NEB: variants seen among roughly 807,000 people sequenced by gnomAD.
NEB encodes nebulin.
Under a neutral mutation model 952.2 loss-of-function variants are expected in NEB, and 512 were observed. That is an observed-to-expected ratio of 0.54 (90% CI 0.50 to 0.58). The LOEUF (loss-of-function observed/expected upper bound fraction) is 0.58, where lower values mean the gene tolerates loss of function less well. Among genes scored for constraint, NEB ranks in the 20% least tolerant of loss-of-function variants. The pLI is 0.00. For synonymous variants in NEB, 2,900 were observed against 3,149.8 expected (o/e 0.92, Z 2.66); for missense variants, 8,428 against 9,231.1 (o/e 0.91, Z 3.56).
Position 151,693,313 on chromosome 2 carries a change from T to C in NEB, c.1897-951A>G, listed in dbSNP as rs80202061. Among the ~76,000 whole-genome samples the C allele has an allele frequency of 3.8e-3, 581 of 152,302 alleles. 10 individuals are homozygous for C. The East Asian group carries it at 0.057, about 15-fold the overall frequency. ...GTGTACATGTGCAGGATTGTGGGTTTGTTACATAGGGAAGCGTGTGCCATG... is the reference window on the plus strand; with the variant it reads ...GTGTACATGTGCAGGATTGTGGGTTCGTTACATAGGGAAGCGTGTGCCATG... On this transcript the variant is annotated intron_variant, in intron 20 of 181. Transcript: ENST00000397345.
chr2:151,534,126 A>G, intron 142 of NEB: 2 of 959,492 alleles, frequency 2.1e-6, no homozygotes, highest in East Asian at 4.8e-5. Context: ...GGCAGAACCT[A>G]TGACATCCTT....
rs763163879 is a variant in NEB at position 151,609,804 on chromosome 2, C to T, written c.12330+5G>A. ...TCCCCCTTTCCCAAAATTCATGTTA[C>T]GTACATCACTCTGCAGGTCATAGGC... On this transcript the variant is annotated splice_donor_5th_base_variant and intron_variant, in intron 81 of 181. Coordinates refer to ENST00000397345, the MANE Select transcript of NEB (RefSeq NM_001164508.2). The T allele has an allele frequency of 7.1e-6, 11 of 1,558,886 alleles. No homozygotes were observed. Among genetic ancestry groups the T allele is most frequent in the Non-Finnish European group, 9.5e-6 (11 of 1,154,030 alleles).
rs1367595025 is a variant in NEB, at chr2:151,729,041, TA to T, written c.78+573del. On this transcript the variant is annotated intron_variant, in intron 4 of 181. Transcript: ENST00000397345. ...AAGAGAAACAGCTGCATGCAGAAAA[TA>T]AAGCATGAGAGAGGTATTTCACCTT... 8.0e-5 allele frequency among the ~76,000 whole-genome samples: 12 copies of T among 149,192 alleles called. No homozygotes were observed. In the East Asian group the frequency reaches 1.8e-3, roughly 22 times the overall value.
At position 151,636,082 on chromosome 2, in the gene NEB, CT is replaced by C; in HGVS notation, c.9102+144del. 4 of 707,832 alleles carry C rather than the reference CT, an allele frequency of 5.7e-6. No individual in the cohort carries two copies. The East Asian group carries it at 1.2e-4, about 21-fold the overall frequency. The allele number at this position is 707,832 out of a possible 1,614,324, so 43.8% of individuals were successfully genotyped here. On this transcript the variant is annotated intron_variant, in intron 64 of 181. Coordinates refer to ENST00000397345, the MANE Select transcript of NEB (RefSeq NM_001164508.2). ...TATAAACATCAAGATTTTCATTTCCCTTAAAACTGAGGTTTTGAAAAATCCT... is the reference window on the plus strand; with the variant it reads ...TATAAACATCAAGATTTTCATTTCCCTAAAACTGAGGTTTTGAAAAATCCT...
chr2:151,569,086 A>G (rs2096538374), intron 110 of NEB, among the ~76,000 whole-genome samples, 182 bp downstream of exon 110: 2 of 152,232 alleles, frequency 1.3e-5, no homozygotes, highest in Non-Finnish European at 1.5e-5. Context: ...TGGATATTAT[A>G]TTATGGATGT....
chr2:151,694,418 A>G lies in NEB; in HGVS notation c.1801T>C (p.Tyr601His). 6.2e-7 allele frequency: 1 copy of G among 1,613,748 alleles called. No homozygotes were observed. The highest frequency in any genetic ancestry group is 1.3e-5 in the African/African-American group (1 of 74,980). Residue 601 changes from tyrosine (Y) to histidine (H), a missense_variant, in exon 20 of 182, where the codon TAT (tyrosine) becomes CAT (histidine). Tyr to His is a moderately conservative substitution (Grantham distance 83). Around this residue, in one of 11 missense-constraint regions of NEB, gnomAD observed 2,851 missense variants for 2,791.5 expected, o/e 1.02. Transcript: ENST00000397345. The part of the protein sequence containing the change: ...NTSDVMYKKD[Y>H]EKNKGKMIGV... The stretch of plus-strand genomic sequence containing the variant: ...ATCATTTTCCCTTTGTTTTTTTCAT[A>G]GTCTTTCTTGTACATCACCTGCAAA...
intron 65 of NEB, among the ~76,000 whole-genome samples, chr2:151,632,698 A>G (rs997893936): frequency 2.6e-5 from 4 of 151,118 alleles, no homozygotes; most frequent in Non-Finnish European, 4.4e-5. Flanking sequence ...AAAAAAAAAG[A>G]ATGAAAACAA....
Position 151,514,963 on chromosome 2 carries a change from A to G in NEB, c.22906-35T>C, listed in dbSNP as rs1390338549. 3 of 1,382,292 alleles carry G rather than the reference A, an allele frequency of 2.2e-6. No individual in the cohort carries two copies. The Admixed American group carries it at 6.1e-5, about 28-fold the overall frequency. The allele number at this position is 1,382,292 out of a possible 1,614,324, so 85.6% of individuals were successfully genotyped here. ...GTAGGAAGGAAAGACAAGTTAAAAA[A>G]AAATCTTTATTACAATATATCTCTC... is the stretch of plus-strand genomic sequence containing the variant. On this transcript the variant is annotated intron_variant, in intron 157 of 181. Transcript: ENST00000397345.
At chr2:151,529,767 G>A (rs192159441) in intron 145 of NEB, among the ~76,000 whole-genome samples, 26 of 152,252 alleles carry the variant, frequency 1.7e-4, no homozygotes, top group Middle Eastern at 3.4e-3. Flanking sequence ...GACCTCAGGT[G>A]ATCCCGCCCA....
chr2:151,682,906 T>C, intron 28 of NEB, 137 bp from the exon 29 acceptor site: 1 of 712,238 alleles, frequency 1.4e-6, no homozygotes, highest in Non-Finnish European at 2.3e-6. Context: ...TTATTTTATA[T>C]ATTTCTTTGG....
rs371554739 is a variant in NEB at position 151,627,621 on chromosome 2, T to G, written c.10045A>C (p.Ser3349Arg). The G allele has an allele frequency of 1.2e-6, 2 of 1,613,930 alleles. No homozygotes were observed. The highest frequency in any genetic ancestry group is 1.7e-6 in the Non-Finnish European group (2 of 1,179,898). The change falls in exon 69 of 182, where the codon AGC becomes CGC. Residue 3349 changes from serine (S) to arginine (R), a missense_variant. Ser to Arg is a moderately radical substitution (Grantham distance 110). This residue lies in a region of NEB where 1,772 missense variants were observed against 1,960.3 expected (regional missense o/e 0.90). Transcript: ENST00000397345. ...VLAKKCQTLV[S>R]DVDYKNYLHE... ...AGGTAGTTCTTGTAGTCCACATCGC[T>G]GACTAAGGTCTGGCACTTCTTGGCT...
At position 151,533,531 on chromosome 2, in the gene NEB, T is replaced by C; in HGVS notation, c.21328A>G (p.Ser7110Gly). 14 of 1,550,228 alleles carry C rather than the reference T, an allele frequency of 9.0e-6. No homozygotes were observed. The highest frequency in any genetic ancestry group is 1.2e-5 in the Non-Finnish European group (14 of 1,145,804). ...QLMNERKYKS[S>G]AKMFLQHGCN... ...CCATGTTGCAGAAACATCTTGGCAC[T>C]AGATTTATATTTTCTCTGTCCATGC... The change falls in exon 143 of 182, where the codon AGT becomes GGT. Residue 7110 changes from serine (S) to glycine (G), a missense_variant. Around this residue, in one of 11 missense-constraint regions of NEB, gnomAD observed 3,374 missense variants for 3,651.5 expected, o/e 0.92. Coordinates refer to ENST00000397345, the MANE Select transcript of NEB (RefSeq NM_001164508.2).
chr2:151,531,036 G>T lies in NEB; in HGVS notation c.21588C>A (p.Pro7196=). The change falls in exon 145 of 182, where the codon CCC becomes CCA. Residue 7196 remains proline, a synonymous_variant. Coordinates refer to ENST00000397345, the MANE Select transcript of NEB (RefSeq NM_001164508.2). The part of the protein sequence containing the change: ...PRGYTTIHDT[P]MLLHVRKVKD... ...TAACCTTGCGGACATGCAGCAACATGGGTGTGTCGTGGATTGTGGTGTAGC... is the reference window on the plus strand; with the variant it reads ...TAACCTTGCGGACATGCAGCAACATTGGTGTGTCGTGGATTGTGGTGTAGC... 1 of 1,613,510 alleles carries T rather than the reference G, an allele frequency of 6.2e-7. No individual in the cohort carries two copies. The highest frequency in any genetic ancestry group is 8.5e-7 in the Non-Finnish European group (1 of 1,179,592).
At chr2:151,493,214 G>A (rs1467941046) in intron 176 of NEB, 139 bp downstream of exon 176, 5 of 664,100 alleles carry the variant, frequency 7.5e-6, no homozygotes, top group South Asian at 2.1e-5. Flanking sequence ...GTGTTAAAAC[G>A]TTACTTTCCA....
chr2:151,534,009 C>T (rs1226729964), intron 142 of NEB, among the ~76,000 whole-genome samples: 1 of 152,180 alleles, frequency 6.6e-6, no homozygotes, highest in African/African-American at 2.4e-5. Context: ...TTCATCTTCA[C>T]CACAGCACAA....
intron 9 of NEB, among the ~76,000 whole-genome samples, chr2:151,718,656 GC>G (rs142175579): frequency 1.3e-5 from 2 of 152,244 alleles, no homozygotes; most frequent in Admixed American, 6.5e-5. Flanking sequence ...CCAGGGTGCT[GC>G]CCTTTCCAGC....
At chr2:151,526,304 A>G (rs2085834124) in intron 148 of NEB, 42 bp from the exon 149 acceptor site, 2 of 1,294,018 alleles carry the variant, frequency 1.5e-6, no homozygotes, top group African/African-American at 2.9e-5. Flanking sequence ...GCTCTGCTGG[A>G]TATCCTACAT....
rs753924668 is a variant in NEB, at chr2:151,529,333, T to A, written c.21631-19A>T. The A allele has an allele frequency of 6.7e-7, 1 of 1,503,214 alleles. No homozygotes were observed. Among genetic ancestry groups the A allele is most frequent in the East Asian group, 2.3e-5 (1 of 44,280 alleles). The allele number at this position is 1,503,214 out of a possible 1,614,324, so 93.1% of individuals were successfully genotyped here. ...ATTTCAGCTGTGGGAGGAAACACAG[T>A]GACAAGATTAATTTTTTTATAGCAG... On this transcript the variant is annotated intron_variant, in intron 145 of 181. Coordinates refer to ENST00000397345, the MANE Select transcript of NEB (RefSeq NM_001164508.2).
At position 151,728,233 on chromosome 2, in the gene NEB, T is replaced by A. The variant is rs550157545; in HGVS notation, c.79-327A>T. Among the ~76,000 whole-genome samples, 21 of 152,308 alleles carry A rather than the reference T, an allele frequency of 1.4e-4. No individual in the cohort carries two copies. The South Asian group carries it at 4.1e-3, about 30-fold the overall frequency. On this transcript the variant is annotated intron_variant, in intron 4 of 181. Transcript: ENST00000397345. ...GGAAATTGGCAATAAACTATTTTTT[T>A]AAAACAGTTGAAAATCTTAAGTTGC...
Sources: gnomAD v4.1 joint callset for allele counts (sites outside exome capture counted in the v4.1 genomes callset) on GRCh38, gnomAD v4.1.1 for gene constraint, gnomAD v4.1.1 regional missense constraint, MANE v1.5 for transcripts, NCBI Gene and HGNC (gene_info 2026-07-23, HGNC 2026-07-21) for gene names.